Variants in ADAMTS20 observed in about 807,000 individuals in gnomAD.
The protein encoded by ADAMTS20 is A disintegrin and metalloproteinase with thrombospondin motifs 20.
In ADAMTS20, 225 loss-of-function variants were observed where a neutral mutation model predicts 260.1. The ratio of observed to expected loss-of-function variants is 0.87; its 90% CI spans 0.78 to 0.97. The LOEUF (loss-of-function observed/expected upper bound fraction) is 0.97, where lower values mean the gene tolerates loss of function less well. Among genes scored for constraint, ADAMTS20 ranks in the 50% least tolerant of loss-of-function variants. ADAMTS20 has a pLI of 0.00. For synonymous variants in ADAMTS20, 802 were observed against 769.5 expected, an observed-to-expected ratio of 1.04 and a Z score of -0.70; for missense variants, 2,400 against 2,337.7, an observed-to-expected ratio of 1.03 and a Z score of -0.55.
intron 6 of ADAMTS20, among the ~76,000 whole-genome samples, chr12:43,492,165 G>A (rs1405478838): frequency 6.6e-6 from 1 of 152,126 alleles, no homozygotes; most frequent in Admixed American, 6.5e-5. Flanking sequence ...TGGATCACGA[G>A]GTCAGGAGAT....
Position 43,428,278 on chromosome 12 carries a change from A to AT in ADAMTS20, c.3907_3908insA (p.Val1303AspfsTer25), listed in dbSNP as rs1460095970. On this transcript the variant is annotated frameshift_variant, in exon 26 of 39. Transcript: ENST00000389420. LOFTEE classifies it high-confidence loss of function. ...TCCGGTTCTCCACTGGTTTCCTCTG[A>AT]CTGATGGATGGACCACCTGATTTTC... The AT allele has an allele frequency of 1.2e-6, 2 of 1,613,990 alleles. No individual in the cohort carries two copies. The highest frequency in any genetic ancestry group is 1.7e-6 in the Non-Finnish European group (2 of 1,179,870).
At chr12:43,539,476 A>G (rs751439060) in intron 2 of ADAMTS20, among the ~76,000 whole-genome samples, 82 of 152,224 alleles carry the variant, frequency 5.4e-4, no homozygotes, top group Non-Finnish European at 1.0e-3. Context: ...AGGCAAAGCT[A>G]TAAATATAAG....
intron 2 of ADAMTS20, among the ~76,000 whole-genome samples, chr12:43,539,474 C>T (rs1162318205): frequency 6.6e-6 from 1 of 152,112 alleles, no homozygotes; most frequent in Admixed American, 6.5e-5. Flanking sequence ...AAAGGCAAAG[C>T]TATAAATATA....
At chr12:43,356,632 A>T in intron 37 of ADAMTS20, 44 bp from the exon 38 acceptor site, 1 of 1,378,898 alleles carries the variant, frequency 7.3e-7, no homozygotes, top group Non-Finnish European at 1.0e-6. Context: ...GAATTTACAA[A>T]ATATTTGATT....
At chr12:43,482,339 G>GA (rs1416609155) in intron 7 of ADAMTS20, among the ~76,000 whole-genome samples, 2 of 152,228 alleles carry the variant, frequency 1.3e-5, no homozygotes, top group Non-Finnish European at 2.9e-5. Context: ...GGGCAGACAG[G>GA]AAAGGGTGTG....
chr12:43,374,601 T>C (rs1334804316), intron 36 of ADAMTS20, among the ~76,000 whole-genome samples: 1 of 152,228 alleles, frequency 6.6e-6, no homozygotes, highest in Non-Finnish European at 1.5e-5. Context: ...TGGAACAAAT[T>C]GCTTAACTTC....
chr12:43,466,816 T>A (rs375252169), intron 8 of ADAMTS20, 21 bp from the exon 9 acceptor site: 476 of 1,535,244 alleles, frequency 3.1e-4, no homozygotes, highest in Non-Finnish European at 4.1e-4. Context: ...AAATAAACAC[T>A]TAAAAGGAAT....
chr12:43,535,935 C>T (rs1055153263), intron 2 of ADAMTS20, among the ~76,000 whole-genome samples: 2 of 152,018 alleles, frequency 1.3e-5, no homozygotes, highest in Admixed American at 1.3e-4. Context: ...AGGACTTGCA[C>T]TCTGTTGGAA....
intron 3 of ADAMTS20, among the ~76,000 whole-genome samples, chr12:43,525,963 C>A (rs114546827): frequency 1.7e-3 from 254 of 152,188 alleles, no homozygotes; most frequent in African/African-American, 5.8e-3. Flanking sequence ...CAGCACTAGA[C>A]AAATCATCAA....
intron 4 of ADAMTS20, among the ~76,000 whole-genome samples, chr12:43,496,120 G>T (rs1942674513): frequency 6.6e-6 from 1 of 152,094 alleles, no homozygotes; most frequent in South Asian, 2.1e-4. Context: ...TTGATGATAG[G>T]ATACTACGTT....
chr12:43,513,397 A>G (rs543740172), intron 3 of ADAMTS20, among the ~76,000 whole-genome samples: 1 of 152,208 alleles, frequency 6.6e-6, no homozygotes, highest in Non-Finnish European at 1.5e-5. Context: ...GCACATGTTC[A>G]TTCACGAACT....
chr12:43,417,601 T>G (rs1360500725), intron 28 of ADAMTS20, among the ~76,000 whole-genome samples: 1 of 152,116 alleles, frequency 6.6e-6, no homozygotes, highest in African/African-American at 2.4e-5. Flanking sequence ...ATTTATAAGG[T>G]TTGAGAGATC....
intron 14 of ADAMTS20, among the ~76,000 whole-genome samples, chr12:43,449,846 C>A (rs1209216393): frequency 2.0e-5 from 3 of 152,134 alleles, no homozygotes; most frequent in Admixed American, 1.3e-4. Context: ...CCTGCATCAA[C>A]ATCACATGGG....
chr12:43,361,687 A>AAGGGAGTT (rs1448350966), intron 37 of ADAMTS20, among the ~76,000 whole-genome samples: 1 of 152,216 alleles, frequency 6.6e-6, no homozygotes, highest in East Asian at 1.9e-4. Context: ...ACATTGGAGA[A>AAGGGAGTT]AGGGAGTTAG....
intron 11 of ADAMTS20, among the ~76,000 whole-genome samples, chr12:43,454,302 A>C (rs1941925552): frequency 2.6e-5 from 4 of 152,196 alleles, no homozygotes; most frequent in African/African-American, 4.8e-5. Context: ...GGAAGGAAAA[A>C]TTAAATAGTA....
chr12:43,398,116 C>G (rs1437493248), intron 29 of ADAMTS20, among the ~76,000 whole-genome samples: 1 of 152,130 alleles, frequency 6.6e-6, no homozygotes, highest in African/African-American at 2.4e-5. Flanking sequence ...GGACTAGGCC[C>G]TTTAAGAAAT....
chr12:43,463,714 T>C (rs1029948783), intron 10 of ADAMTS20, among the ~76,000 whole-genome samples: 1 of 152,206 alleles, frequency 6.6e-6, no homozygotes, highest in Non-Finnish European at 1.5e-5. Flanking sequence ...AAGTTTTGCC[T>C]GTCCTACATT....
chr12:43,441,059 C>T lies in ADAMTS20; in HGVS notation c.2291-990G>A, dbSNP rs556402686. ...CAGCATGGGAGATTGAGGGAGACTCCGTCTCCAAAAAAAAAAAACAAAAAA... is the reference window on the plus strand; with the variant it reads ...CAGCATGGGAGATTGAGGGAGACTCTGTCTCCAAAAAAAAAAAACAAAAAA... On this transcript the variant is annotated intron_variant, in intron 16 of 38. Transcript: ENST00000389420. Among the ~76,000 whole-genome samples, 158 of 139,372 alleles carry T rather than the reference C, an allele frequency of 1.1e-3. 1 individual carries two copies. The South Asian group carries it at 0.015, about 13-fold the overall frequency. 91.4% of individuals were successfully genotyped at this position (139,372 alleles called of 152,430 possible).
intron 29 of ADAMTS20, among the ~76,000 whole-genome samples, chr12:43,395,053 C>T (rs1422978716): frequency 1.3e-5 from 2 of 152,070 alleles, no homozygotes; most frequent in Non-Finnish European, 2.9e-5. Context: ...GTCACCTCAG[C>T]CTACCCCAAG....
Sources: gnomAD v4.1 joint callset for allele counts (sites outside exome capture counted in the v4.1 genomes callset) on GRCh38, gnomAD v4.1.1 for gene constraint, MANE v1.5 for transcripts, NCBI Gene and HGNC (gene_info 2026-07-23, HGNC 2026-07-21) for gene names.